Variants in TRPM1 observed in about 807,000 individuals in gnomAD.
The protein encoded by TRPM1 is transient receptor potential cation channel subfamily M member 1.
Under a neutral mutation model 149.4 loss-of-function variants are expected in TRPM1, and 113 were observed. That is an observed-to-expected ratio of 0.76 (90% CI 0.65 to 0.88). The LOEUF is 0.88. Ranked by LOEUF, TRPM1 falls within the 40% of genes least tolerant of loss-of-function variation. The pLI is 0.00. For missense variants in TRPM1, 1,976 were observed against 2,038.7 expected (o/e 0.97, Z 0.59); for synonymous variants, 741 against 759.5 (o/e 0.98, Z 0.40).
intron 1 of TRPM1, among the ~76,000 whole-genome samples, chr15:31,123,331 T>G (rs762623283): frequency 6.6e-6 from 1 of 152,186 alleles, no homozygotes; most frequent in African/African-American, 2.4e-5. Flanking sequence ...AAAAAATTGA[T>G]AAACTTTACT....
rs752792970 is a variant in TRPM1, at chr15:31,026,939, G to A, written c.3472C>T (p.Gln1158Ter). 6.2e-7 allele frequency: 1 copy of A among 1,614,022 alleles called. No homozygotes were observed. Among genetic ancestry groups the A allele is most frequent in the Non-Finnish European group, 8.5e-7 (1 of 1,180,006 alleles). Residue 1158 changes from glutamine to a stop codon, truncating the protein, a stop_gained, in exon 26 of 28, where the codon CAA becomes TAA. Transcript: ENST00000256552. LOFTEE classifies it high-confidence loss of function. ...GRCRKKREGD[Q>*]EERDRGLKLF... Reference sequence around the variant, plus strand: ...CTCAATCCACGATCCCGTTCCTCTTGGTCCCCTTCTCTCTTTTTCCTGCAG... The same window carrying A: ...CTCAATCCACGATCCCGTTCCTCTTAGTCCCCTTCTCTCTTTTTCCTGCAG...
upstream of TRPM1, among the ~76,000 whole-genome samples, chr15:31,104,272 C>T (rs2035567794): frequency 6.6e-6 from 1 of 152,116 alleles, no homozygotes; most frequent in Non-Finnish European, 1.5e-5. Context: ...TGTATGCTCA[C>T]CTGTGTGGGG....
intron 10 of TRPM1, 26 bp downstream of exon 10, chr15:31,061,416 G>A: frequency 6.2e-7 from 1 of 1,610,114 alleles, no homozygotes; most frequent in Non-Finnish European, 8.5e-7. Flanking sequence ...CAGAGGGACA[G>A]GAGTCACCAT....
intron 11 of TRPM1, among the ~76,000 whole-genome samples, chr15:31,054,343 G>A (rs1381937441): frequency 6.6e-6 from 1 of 151,738 alleles, no homozygotes; most frequent in Non-Finnish European, 1.5e-5. Context: ...CACCCAGGCT[G>A]GAGTGCAGTG....
intron 1 of TRPM1, among the ~76,000 whole-genome samples, chr15:31,141,029 A>G (rs1339598633): frequency 1.3e-5 from 2 of 149,386 alleles, no homozygotes; most frequent in Non-Finnish European, 3.0e-5. Context: ...ACGGGGTTTC[A>G]CCATGTTGGC....
At position 31,035,193 on chromosome 15, in the gene TRPM1, G is replaced by A. The variant is rs140480249; in HGVS notation, c.2700+353C>T. 1.6e-3 allele frequency among the ~76,000 whole-genome samples: 245 copies of A among 152,228 alleles called. 2 individuals are homozygous for A. In the East Asian group the frequency reaches 0.038, roughly 24 times the overall value. The stretch of plus-strand genomic sequence containing the variant: ...TAATTTTTGTATTTTTAGTTGAGAC[G>A]GGGTTTCACCATGTTGGCCAGGCTG... On this transcript the variant is annotated intron_variant, in intron 21 of 27. Transcript: ENST00000256552.
At chr15:31,045,459 T>C (rs996216951) in intron 16 of TRPM1, among the ~76,000 whole-genome samples, 4 of 152,214 alleles carry the variant, frequency 2.6e-5, no homozygotes, top group African/African-American at 7.2e-5. Context: ...TTTCTCCCTT[T>C]CTTGGGTATT....
chr15:31,045,665 T>C (rs1430548335), intron 16 of TRPM1, among the ~76,000 whole-genome samples: 1 of 152,234 alleles, frequency 6.6e-6, no homozygotes, highest in African/African-American at 2.4e-5. Context: ...TGCTCTAAGA[T>C]ATACGTGTAT....
At chr15:31,069,698 T>G in intron 4 of TRPM1, 1 of 1,422,556 alleles carries the variant, frequency 7.0e-7, no homozygotes, top group Non-Finnish European at 9.1e-7. Context: ...GGGCTGCAGG[T>G]CCACAGTTAT....
chr15:31,129,407 C>T (rs150036590), intron 1 of TRPM1, among the ~76,000 whole-genome samples: 62 of 152,290 alleles, frequency 4.1e-4, no homozygotes, highest in African/African-American at 1.4e-3. Context: ...CTTGCAGCTC[C>T]GTTGACAGAA....
chr15:31,093,545 G>A (rs1246261894), intron 1 of TRPM1, among the ~76,000 whole-genome samples: 1 of 151,922 alleles, frequency 6.6e-6, no homozygotes. Flanking sequence ...TAAATGGAAA[G>A]ACATCCTGTA....
chr15:31,114,192 C>T (rs1288914405), intron 1 of TRPM1, among the ~76,000 whole-genome samples: 1 of 152,154 alleles, frequency 6.6e-6, no homozygotes, highest in African/African-American at 2.4e-5. Context: ...CCAAAAGGCC[C>T]CAGTGTGTGT....
intron 1 of TRPM1, among the ~76,000 whole-genome samples, chr15:31,133,826 G>C (rs925938126): frequency 6.6e-6 from 1 of 152,174 alleles, no homozygotes; most frequent in Non-Finnish European, 1.5e-5. Flanking sequence ...GTATTTGTGG[G>C]GCTAGGACAT....
Position 31,151,033 on chromosome 15 carries a change from C to T in TRPM1, c.54+9873G>A, listed in dbSNP as rs147572881. On this transcript the variant is annotated intron_variant, in intron 1 of 26. Coordinates refer to the TRPM1 transcript ENST00000542188. ...AGCCCACATTGGTTTCTTGTAAAAG[C>T]GTTTGCATTCAACTGCAAAAACAGC... 3.5e-3 allele frequency among the ~76,000 whole-genome samples: 528 copies of T among 152,276 alleles called. 4 individuals are homozygous for T. Among genetic ancestry groups the T allele is most frequent in the South Asian group, 0.011 (55 of 4,810 alleles).
rs560722773 is a variant in TRPM1, at chr15:31,157,026, C to T, written c.54+3880G>A. Among the ~76,000 whole-genome samples, 3 of 151,754 alleles carry T rather than the reference C, an allele frequency of 2.0e-5. No individual in the cohort carries two copies. The South Asian group carries it at 6.2e-4, about 31-fold the overall frequency. On this transcript the variant is annotated intron_variant, in intron 1 of 26. Coordinates refer to the TRPM1 transcript ENST00000542188. ...TCCTTGGGCTCAAGTAGTCCTCCCA[C>T]CTCAGCCTCCTAATACCTGGGACTA...
intron 16 of TRPM1, among the ~76,000 whole-genome samples, chr15:31,044,359 TA>T (rs1210706855): frequency 1.3e-5 from 2 of 151,868 alleles, no homozygotes; most frequent in African/African-American, 4.8e-5. Context: ...CAAATACAAA[TA>T]AAAGCAGACA....
At position 31,119,509 on chromosome 15, in the gene TRPM1, A is replaced by C. The variant is rs114750132; in HGVS notation, c.54+41397T>G. Among the ~76,000 whole-genome samples the C allele has an allele frequency of 5.6e-3, 850 of 152,306 alleles. 9 individuals carry two copies. The highest frequency in any genetic ancestry group is 0.019 in the African/African-American group (795 of 41,588). ...CATCTACTTTGTGAAAAATGCTAAA[A>C]GAAGTTATTCAAGAGAAGGAAAAGA... On this transcript the variant is annotated intron_variant, in intron 1 of 26. Transcript: ENST00000542188.
chr15:31,010,255 T>C (rs2032135895), intron 27 of TRPM1, among the ~76,000 whole-genome samples: 1 of 152,348 alleles, frequency 6.6e-6, no homozygotes, highest in Non-Finnish European at 1.5e-5. Flanking sequence ...GTGATTCCAA[T>C]GCCAGTTCAG....
intron 27 of TRPM1, among the ~76,000 whole-genome samples, chr15:31,019,532 G>A (rs1299955848): frequency 6.6e-6 from 1 of 152,158 alleles, no homozygotes; most frequent in Non-Finnish European, 1.5e-5. Context: ...CTCCCGAGTG[G>A]CTGGGATTAC....
Sources: gnomAD v4.1 joint callset for allele counts (sites outside exome capture counted in the v4.1 genomes callset) on GRCh38, gnomAD v4.1.1 for gene constraint, MANE v1.5 for transcripts, NCBI Gene and HGNC (gene_info 2026-07-23, HGNC 2026-07-21) for gene names.